The following DECR1 variants were observed in gnomAD, a reference collection of about 807,000 sequenced individuals.
DECR1 encodes 2,4-dienoyl-CoA reductase 1.
DECR1 carries 44 observed loss-of-function variants against 38.8 expected under a neutral mutation model. The observed-to-expected ratio is 1.13, with a 90% CI of 0.89 to 1.46. The LOEUF is 1.46. DECR1 is among the 40% of genes most tolerant of loss of function. DECR1 has a pLI of 0.00. For synonymous variants in DECR1, 148 were observed against 135.2 expected, an observed-to-expected ratio of 1.09 and a Z score of -0.66; for missense variants, 428 against 405.5, an observed-to-expected ratio of 1.06 and a Z score of -0.48.
chr8:90,045,540 C>G (rs1287222560), intron 8 of DECR1, among the ~76,000 whole-genome samples: 2 of 152,216 alleles, frequency 1.3e-5, no homozygotes, highest in Non-Finnish European at 2.9e-5. Flanking sequence ...GAAGCTCAAA[C>G]TGGGTGGAGC....
intron 1 of DECR1, among the ~76,000 whole-genome samples, chr8:90,012,862 T>G (rs1194691722): frequency 6.6e-6 from 1 of 152,210 alleles, no homozygotes; most frequent in East Asian, 1.9e-4. Flanking sequence ...TTGTCTGGTT[T>G]TGAAGGCCAA....
chr8:90,002,651 G>A (rs1218312342), intron 1 of DECR1, among the ~76,000 whole-genome samples: 1 of 152,210 alleles, frequency 6.6e-6, no homozygotes, highest in African/African-American at 2.4e-5. Flanking sequence ...CAGCCATGGT[G>A]TTGTTTTTCA....
intron 8 of DECR1, among the ~76,000 whole-genome samples, chr8:90,047,013 A>C (rs929110182): frequency 3.9e-5 from 6 of 152,226 alleles, no homozygotes; most frequent in African/African-American, 1.4e-4. Context: ...GGCCTGCCTT[A>C]CAAGAACTCC....
In DECR1 at chr8:90,051,674, C is replaced by T. The variant is rs749987681; in HGVS notation, c.886-3C>T. The T allele has an allele frequency of 6.8e-6, 11 of 1,609,858 alleles. No homozygotes were observed. Among genetic ancestry groups the T allele is most frequent in the Admixed American group, 3.4e-5 (2 of 59,608 alleles). ...TCAGAGTTTAAAAATTTGTTTTTTC[C>T]AGGTCATTAAATTTGACGGTGGAGA... On this transcript the variant is annotated splice_region_variant and splice_polypyrimidine_tract_variant and intron_variant, in intron 8 of 9. Transcript: ENST00000220764.
chr8:90,010,759 T>A (rs1292926839), intron 1 of DECR1, among the ~76,000 whole-genome samples: 1 of 152,234 alleles, frequency 6.6e-6, no homozygotes, highest in African/African-American at 2.4e-5. Flanking sequence ...GTGGAAATAT[T>A]TCATTATCTT....
intron 1 of DECR1, among the ~76,000 whole-genome samples, chr8:90,012,666 G>C (rs114101273): frequency 6.6e-6 from 1 of 152,092 alleles, no homozygotes; most frequent in African/African-American, 2.4e-5. Flanking sequence ...AGCATTTACC[G>C]AATGCCTAAC....
chr8:90,007,014 A>G (rs962068158), intron 1 of DECR1, among the ~76,000 whole-genome samples: 10 of 152,154 alleles, frequency 6.6e-5, no homozygotes, highest in Non-Finnish European at 1.3e-4. Flanking sequence ...CAAGTGGTAT[A>G]TAGATAAATA....
chr8:90,030,215 G>C (rs190180053), intron 5 of DECR1, among the ~76,000 whole-genome samples: 23 of 152,136 alleles, frequency 1.5e-4, no homozygotes, highest in African/African-American at 5.5e-4. Flanking sequence ...CAGTAATGCT[G>C]GCTCACCTAC....
Position 90,036,852 on chromosome 8 carries a change from C to A in DECR1, c.577C>A (p.Leu193Ile). ...LIKAQKGAAF[L>I]SITTIYAETG... is the part of the protein sequence containing the mutation. ...TTTTAAAATTTCAGGAGCAGCATTT[C>A]TTTCTATTACTACTATCTATGCTGA... The change falls in exon 6 of 10, where the codon CTT (leucine) becomes ATT (isoleucine). Residue 193 changes from leucine to isoleucine, a missense_variant. By Grantham distance (5) the Leu-to-Ile change is conservative. Transcript: ENST00000220764. 1 of 1,611,300 alleles carries A rather than the reference C, an allele frequency of 6.2e-7. No individual in the cohort carries two copies. The highest frequency in any genetic ancestry group is 8.5e-7 in the Non-Finnish European group (1 of 1,178,396).
At chr8:90,004,151 T>G (rs1812685237) in intron 1 of DECR1, among the ~76,000 whole-genome samples, 1 of 151,984 alleles carries the variant, frequency 6.6e-6, no homozygotes, top group South Asian at 2.1e-4. Context: ...GGTGAAACCC[T>G]GTCTCTACTG....
chr8:90,049,350 G>T lies in DECR1; in HGVS notation c.886-2327G>T, dbSNP rs562963612. On this transcript the variant is annotated intron_variant, in intron 8 of 9. Transcript: ENST00000220764. ...CAAAGTCTCAGGATACAAAATCAAT[G>T]TGCAAAAATCACAAGCATTTTTTAC... 8.5e-5 allele frequency among the ~76,000 whole-genome samples: 13 copies of T among 152,248 alleles called. No homozygotes were observed. The East Asian group carries it at 2.5e-3, about 29-fold the overall frequency.
At chr8:90,018,682 A>C in intron 2 of DECR1, 1 of 421,090 alleles carries the variant, frequency 2.4e-6, no homozygotes, top group Non-Finnish European at 4.3e-6. Flanking sequence ...GTGAGTAGAT[A>C]ATGTTAAAGT....
chr8:90,044,506 T>G (rs895775169), intron 7 of DECR1, among the ~76,000 whole-genome samples: 1 of 152,222 alleles, frequency 6.6e-6, no homozygotes, highest in East Asian at 1.9e-4. Flanking sequence ...TTTCTGTGTT[T>G]ATTAAATGAA....
intron 1 of DECR1, among the ~76,000 whole-genome samples, chr8:90,001,809 A>T (rs529146825): frequency 1.9e-4 from 28 of 150,462 alleles, no homozygotes; most frequent in South Asian, 1.1e-3. Flanking sequence ...GAGAGAGGAC[A>T]GGGCGTTCTG....
At chr8:90,002,855 G>A (rs185513647) in intron 1 of DECR1, among the ~76,000 whole-genome samples, 178 of 152,190 alleles carry the variant, frequency 1.2e-3, no homozygotes, top group Non-Finnish European at 2.3e-3. Context: ...ACTTTTCAGA[G>A]ACATTTCTCA....
intron 5 of DECR1, chr8:90,029,376 G>T (rs1813437794): frequency 6.6e-6 from 1 of 152,140 alleles, no homozygotes; most frequent in South Asian, 2.1e-4. Flanking sequence ...GAACCTCAGA[G>T]AATTTAAAAC....
chr8:90,020,884 G>A, intron 4 of DECR1, 25 bp from the exon 5 acceptor site: 1 of 1,499,548 alleles, frequency 6.7e-7, no homozygotes. Flanking sequence ...TAAAGTTTCT[G>A]TAACTTGCCT....
At chr8:90,046,562 G>A (rs1038051996) in intron 8 of DECR1, among the ~76,000 whole-genome samples, 6 of 152,064 alleles carry the variant, frequency 3.9e-5, no homozygotes, top group Admixed American at 6.6e-5. Context: ...ATCTACGTCT[G>A]ATTGTACCTG....
chr8:90,046,493 AAG>A (rs1456737182), intron 8 of DECR1, among the ~76,000 whole-genome samples: 2 of 152,246 alleles, frequency 1.3e-5, no homozygotes, highest in African/African-American at 4.8e-5. Flanking sequence ...TTAGAGAAAA[AAG>A]AGTAAAAAGA....
Sources: allele counts gnomAD v4.1 joint callset (sites outside exome capture counted in the v4.1 genomes callset), GRCh38; gene constraint gnomAD v4.1.1; transcripts MANE v1.5; gene names NCBI Gene and HGNC (gene_info 2026-07-23, HGNC 2026-07-21).